The following BTBD8 variants were observed in gnomAD, a reference collection of about 807,000 sequenced individuals.
BTBD8 encodes BTB/POZ domain-containing protein 8.
Under a neutral mutation model 162.9 loss-of-function variants are expected in BTBD8, and 110 were observed. The ratio of observed to expected loss-of-function variants is 0.68; its 90% CI spans 0.58 to 0.79. The LOEUF (loss-of-function observed/expected upper bound fraction) is 0.79, where lower values mean the gene tolerates loss of function less well. Ranked by LOEUF, BTBD8 falls within the 30% of genes least tolerant of loss-of-function variation. The pLI is 0.00. For missense variants in BTBD8, 1,905 were observed against 2,085.4 expected, an observed-to-expected ratio of 0.91 and a Z score of 1.68; for synonymous variants, 667 against 716.1, an observed-to-expected ratio of 0.93 and a Z score of 1.10.
At chr1:92,139,543 C>T in intron 6 of BTBD8, 113 bp downstream of exon 6, 5 of 1,397,226 alleles carry the variant, frequency 3.6e-6, no homozygotes, top group Non-Finnish European at 3.7e-6. Context: ...GTCTATTATA[C>T]TATATCTTCA....
intron 4 of BTBD8, chr1:92,125,961 G>A: frequency 2.2e-6 from 1 of 457,388 alleles, no homozygotes; most frequent in South Asian, 1.8e-5. Flanking sequence ...ACCTAGAGTA[G>A]CCACTGTCAA....
intron 6 of BTBD8, 171 bp downstream of exon 6, chr1:92,139,601 G>A: frequency 8.1e-7 from 1 of 1,241,840 alleles, no homozygotes; most frequent in Non-Finnish European, 1.0e-6. Flanking sequence ...ATCTTATTTA[G>A]AAGAAAAGGT....
rs550807771 is a variant in BTBD8 at position 92,088,338 on chromosome 1, A to G, written c.150-360A>G. Among the ~76,000 whole-genome samples the G allele has an allele frequency of 3.2e-3, 488 of 152,318 alleles. 3 individuals are homozygous for G. Among genetic ancestry groups the G allele is most frequent in the African/African-American group, 0.011 (470 of 41,580 alleles). ...ATTTTAAATAATTAATGATCATGTC[A>G]ACTTTGCATTTTAAAAATAAATCTA... On this transcript the variant is annotated intron_variant, in intron 1 of 17. Transcript: ENST00000636805.
intron 9 of BTBD8, among the ~76,000 whole-genome samples, chr1:92,157,505 T>C (rs1431950787): frequency 2.6e-5 from 4 of 152,128 alleles, no homozygotes; most frequent in African/African-American, 9.7e-5. Flanking sequence ...TATTTACTTA[T>C]TTATTTATTT....
chr1:92,110,657 C>T (rs561739548), intron 4 of BTBD8, among the ~76,000 whole-genome samples: 1 of 152,294 alleles, frequency 6.6e-6, no homozygotes, highest in African/African-American at 2.4e-5. Flanking sequence ...ATTCTCCTGC[C>T]TCAGCCTCCC....
chr1:92,147,710 T>G lies in BTBD8; in HGVS notation c.1046T>G (p.Phe349Cys). The change falls in exon 9 of 18, where the codon TTT (phenylalanine) becomes TGT (cysteine). Residue 349 changes from phenylalanine (F) to cysteine (C), a missense_variant. Physicochemically the swap from Phe to Cys is radical, Grantham distance 205 (BLOSUM62 -2). Coordinates refer to ENST00000636805, the MANE Select transcript of BTBD8 (RefSeq NM_001376131.1). Reference sequence around the variant, plus strand: ...TGGATTGTAAAGCATTTTGCAAGGTTTTGGTCTGAGAGAAGCTTTGCAAAT... The same window carrying G: ...TGGATTGTAAAGCATTTTGCAAGGTGTTGGTCTGAGAGAAGCTTTGCAAAT... ...MKWIVKHFAR[F>C]WSERSFANIP... 6.2e-7 allele frequency: 1 copy of G among 1,613,000 alleles called. No individual in the cohort carries two copies. Among genetic ancestry groups the G allele is most frequent in the Non-Finnish European group, 8.5e-7 (1 of 1,179,756 alleles).
At chr1:92,168,044 T>C in intron 11 of BTBD8, 59 bp downstream of exon 11, 1 of 1,429,584 alleles carries the variant, frequency 7.0e-7, no homozygotes, top group Non-Finnish European at 9.4e-7. Flanking sequence ...GATTTTTAGA[T>C]GTATGTGCAT....
At chr1:92,154,839 AATC>A (rs1485884812) in intron 9 of BTBD8, among the ~76,000 whole-genome samples, 3 of 152,190 alleles carry the variant, frequency 2.0e-5, no homozygotes, top group Non-Finnish European at 4.4e-5. Flanking sequence ...ATATCTGTGA[AATC>A]ATTACCAAGA....
chr1:92,159,820 T>C (rs1166554766), intron 9 of BTBD8, among the ~76,000 whole-genome samples: 1 of 152,232 alleles, frequency 6.6e-6, no homozygotes, highest in African/African-American at 2.4e-5. Context: ...CTTGCTGCTT[T>C]CAAAATTTGC....
Position 92,180,591 on chromosome 1 carries a change from T to A in BTBD8, c.2908T>A (p.Phe970Ile). ...AACATCTACTGTCCAAAAAAGTATGTTTCATGATGTGCGTGATAATAACAA... is the reference window on the plus strand; with the variant it reads ...AACATCTACTGTCCAAAAAAGTATGATTCATGATGTGCGTGATAATAACAA... The part of the protein sequence containing the change: ...HETSTVQKSM[F>I]HDVRDNNNKD... Residue 970 changes from phenylalanine to isoleucine, a missense_variant, in exon 17 of 18, where the codon TTT (phenylalanine) becomes ATT (isoleucine). Phe to Ile is a conservative substitution (Grantham distance 21, BLOSUM62 0). Transcript: ENST00000636805. The A allele has an allele frequency of 6.4e-7, 1 of 1,551,426 alleles. No homozygotes were observed. The highest frequency in any genetic ancestry group is 8.7e-7 in the Non-Finnish European group (1 of 1,146,948).
intron 2 of BTBD8, among the ~76,000 whole-genome samples, chr1:92,089,803 T>TG (rs1648251496): frequency 6.6e-6 from 1 of 152,130 alleles, no homozygotes; most frequent in African/African-American, 2.4e-5. Context: ...ATTTTGGGGT[T>TG]GGGGGGACAC....
chr1:92,174,741 G>A lies in BTBD8; in HGVS notation c.1636-2088G>A, dbSNP rs370440854. Among the ~76,000 whole-genome samples, 112 of 152,224 alleles carry A rather than the reference G, an allele frequency of 7.4e-4. No homozygotes were observed. In the South Asian group the frequency reaches 0.012, roughly 17 times the overall value. ...TGCTGTGAATAGGACCAGTCTCTAC[G>A]CTGTGGACAGGCATAAGCTGAGACC... On this transcript the variant is annotated intron_variant, in intron 13 of 17. Transcript: ENST00000636805.
chr1:92,124,705 C>G (rs1332405621), intron 4 of BTBD8, among the ~76,000 whole-genome samples: 2 of 152,160 alleles, frequency 1.3e-5, no homozygotes, highest in Non-Finnish European at 2.9e-5. Flanking sequence ...GCTAGAGCAA[C>G]ATAGTAAGAC....
At chr1:92,173,852 G>A (rs1044147746) in intron 13 of BTBD8, among the ~76,000 whole-genome samples, 1 of 152,176 alleles carries the variant, frequency 6.6e-6, no homozygotes, top group African/African-American at 2.4e-5. Flanking sequence ...TAAATGTGGA[G>A]CAAATAAATG....
At chr1:92,176,071 T>A (rs1361907973) in intron 13 of BTBD8, among the ~76,000 whole-genome samples, 1 of 152,128 alleles carries the variant, frequency 6.6e-6, no homozygotes, top group Non-Finnish European at 1.5e-5. Context: ...GCTTTGCAGA[T>A]GTAGTGTATT....
At position 92,181,408 on chromosome 1, in the gene BTBD8, T is replaced by C. The variant is rs1650902010; in HGVS notation, c.3725T>C (p.Leu1242Pro). Residue 1242 changes from leucine to proline, a missense_variant, in exon 17 of 18, where the codon CTG becomes CCG. Around this residue, in one of 3 missense-constraint regions of BTBD8, gnomAD observed 1,374 missense variants for 1,442.7 expected, o/e 0.95. Coordinates refer to ENST00000636805, the MANE Select transcript of BTBD8 (RefSeq NM_001376131.1). ...CACTGGAATTTGAGTACTGGTGTTC[T>C]GCATCAGCGAGAGAGTCCTGAATCT... ...VGHWNLSTGV[L>P]HQRESPESDT... The C allele has an allele frequency of 6.4e-7, 1 of 1,551,698 alleles. No homozygotes were observed. Among genetic ancestry groups the C allele is most frequent in the Non-Finnish European group, 8.7e-7 (1 of 1,146,972 alleles).
At chr1:92,166,388 G>C (rs893933526) in intron 9 of BTBD8, among the ~76,000 whole-genome samples, 2 of 148,674 alleles carry the variant, frequency 1.3e-5, no homozygotes, top group Non-Finnish European at 3.0e-5. Context: ...TTATCACTTT[G>C]CTATCAGGTT....
intron 9 of BTBD8, among the ~76,000 whole-genome samples, chr1:92,153,437 A>G (rs1012712693): frequency 6.6e-6 from 1 of 152,184 alleles, no homozygotes; most frequent in Non-Finnish European, 1.5e-5. Flanking sequence ...TGTACAATAC[A>G]GTATTGTCAA....
At chr1:92,159,907 C>T (rs1280641354) in intron 9 of BTBD8, among the ~76,000 whole-genome samples, 2 of 152,140 alleles carry the variant, frequency 1.3e-5, no homozygotes, top group African/African-American at 4.8e-5. Flanking sequence ...GTACTTTGGG[C>T]TTCCTGGATG....
Sources: gnomAD v4.1 joint callset for allele counts (sites outside exome capture counted in the v4.1 genomes callset) on GRCh38, gnomAD v4.1.1 for gene constraint, gnomAD v4.1.1 regional missense constraint, MANE v1.5 for transcripts, NCBI Gene and HGNC (gene_info 2026-07-23, HGNC 2026-07-21) for gene names.